The following SPMIP2 variants were observed in gnomAD, a reference collection of about 807,000 sequenced individuals.
The protein encoded by SPMIP2 is protein SPMIP2.
the SPMIP2 span, among the ~76,000 whole-genome samples, chr4:158,894,506 T>G: frequency 2.4e-4 from 37 of 152,178 alleles, no homozygotes; most frequent in Admixed American, 6.5e-5. Context: ...TCACGTCTAG[T>G]ATATATTTCA....
the SPMIP2 span, among the ~76,000 whole-genome samples, chr4:158,956,671 A>C: frequency 1.3e-5 from 2 of 152,224 alleles, no homozygotes; most frequent in African/African-American, 4.8e-5. Flanking sequence ...CGATCTCTTC[A>C]CCTAAAATTA....
chr4:158,987,479 G>T, the SPMIP2 span, among the ~76,000 whole-genome samples: 9 of 152,246 alleles, frequency 5.9e-5, no homozygotes, highest in Admixed American at 6.5e-5. Flanking sequence ...CATGTCCTTT[G>T]TAGGGACATG....
the SPMIP2 span, among the ~76,000 whole-genome samples, chr4:158,994,998 C>A: frequency 3.3e-5 from 5 of 152,218 alleles, no homozygotes; most frequent in Non-Finnish European, 7.3e-5. Context: ...TGTCAAATTT[C>A]TGAATGAGCC....
chr4:158,960,408 C>A, the SPMIP2 span: 1 of 919,354 alleles, frequency 1.1e-6, no homozygotes, highest in Admixed American at 2.6e-5. Context: ...GTCTAAGTAT[C>A]CATATTTCTA....
chr4:159,054,923 A>G, the SPMIP2 span, among the ~76,000 whole-genome samples: 5 of 152,064 alleles, frequency 3.3e-5, no homozygotes, highest in African/African-American at 1.2e-4. Flanking sequence ...ATTAAAGACA[A>G]TATCGAGCAC....
At chr4:158,959,156 T>C in the SPMIP2 span, among the ~76,000 whole-genome samples, 6 of 152,348 alleles carry the variant, frequency 3.9e-5, no homozygotes, top group African/African-American at 1.2e-4. Flanking sequence ...GTTTCTCAGA[T>C]ACCCTCCAAC....
chr4:158,953,402 G>A, the SPMIP2 span, among the ~76,000 whole-genome samples: 1 of 152,244 alleles, frequency 6.6e-6, no homozygotes, highest in East Asian at 1.9e-4. Context: ...CATAAGTCAA[G>A]AATTAGGGTT....
chr4:159,053,665 C>T, the SPMIP2 span, among the ~76,000 whole-genome samples: 1 of 152,190 alleles, frequency 6.6e-6, no homozygotes, highest in South Asian at 2.1e-4. Flanking sequence ...CTGTAGGAGC[C>T]ATTCTAAGCA....
At chr4:158,908,525 G>C in the SPMIP2 span, among the ~76,000 whole-genome samples, 1 of 152,162 alleles carries the variant, frequency 6.6e-6, no homozygotes. Context: ...TGGTCACTTG[G>C]TCTTTACCAA....
At chr4:158,966,145 G>A in the SPMIP2 span, among the ~76,000 whole-genome samples, 4 of 152,214 alleles carry the variant, frequency 2.6e-5, no homozygotes, top group Non-Finnish European at 2.9e-5. Flanking sequence ...ACCATGTAGT[G>A]GGGGACCCCT....
chr4:158,918,135 C>T, the SPMIP2 span, among the ~76,000 whole-genome samples: 2 of 152,184 alleles, frequency 1.3e-5, no homozygotes, highest in African/African-American at 2.4e-5. Flanking sequence ...GTCATTGGCT[C>T]CCCAGTGCCA....
chr4:159,079,590 G>T, the SPMIP2 span, among the ~76,000 whole-genome samples: 1 of 152,178 alleles, frequency 6.6e-6, no homozygotes, highest in Non-Finnish European at 1.5e-5. Flanking sequence ...TGGGGTTTTT[G>T]TATTGGCTGT....
At chr4:159,066,869 C>T in the SPMIP2 span, among the ~76,000 whole-genome samples, 409 of 152,244 alleles carry the variant, frequency 2.7e-3, 2 homozygotes, top group African/African-American at 9.3e-3. Context: ...AGCTATTCAG[C>T]GCTGCCTTTG....
chr4:159,014,415 C>T, the SPMIP2 span, among the ~76,000 whole-genome samples: 116 of 152,194 alleles, frequency 7.6e-4, no homozygotes, highest in African/African-American at 2.6e-3. Context: ...GTCGCACCAC[C>T]GCACTCCAGG....
At chr4:159,020,705 G>C in the SPMIP2 span, among the ~76,000 whole-genome samples, 4 of 152,164 alleles carry the variant, frequency 2.6e-5, no homozygotes, top group Non-Finnish European at 5.9e-5. Context: ...CCAAATGTAT[G>C]CTTCAACTTC....
the SPMIP2 span, among the ~76,000 whole-genome samples, chr4:158,975,010 GAT>G: frequency 2.0e-5 from 3 of 152,294 alleles, no homozygotes; most frequent in African/African-American, 7.2e-5. Context: ...TAACTGGTGT[GAT>G]ATGGTATCTT....
At chr4:159,048,930 T>C in the SPMIP2 span, among the ~76,000 whole-genome samples, 15 of 151,996 alleles carry the variant, frequency 9.9e-5, no homozygotes, top group Non-Finnish European at 1.6e-4. Context: ...GTTAAAATTT[T>C]TTTTGAATCG....
the SPMIP2 span, among the ~76,000 whole-genome samples, chr4:159,006,124 A>G: frequency 6.6e-6 from 1 of 152,212 alleles, no homozygotes; most frequent in African/African-American, 2.4e-5. Flanking sequence ...GGCTCGAATT[A>G]TGTTTCCGTT....
At chr4:158,904,951 T>C in the SPMIP2 span, 1 of 158,504 alleles carries the variant, frequency 6.3e-6, no homozygotes, top group East Asian at 1.8e-4. Context: ...AGTTTAAGCA[T>C]GAGCTCCCCA....
Sources: allele counts gnomAD v4.1 joint callset (sites outside exome capture counted in the v4.1 genomes callset), GRCh38; gene constraint gnomAD v4.1.1; transcripts MANE v1.5; gene names NCBI Gene and HGNC (gene_info 2026-07-23, HGNC 2026-07-21).